Variants in SLIT3 observed in about 807,000 individuals in gnomAD.
SLIT3 encodes slit homolog 3 protein.
SLIT3 carries 68 observed loss-of-function variants against 184.0 expected under a neutral mutation model. The ratio of observed to expected loss-of-function variants is 0.37; its 90% confidence interval spans 0.30 to 0.45. The LOEUF (loss-of-function observed/expected upper bound fraction) is 0.45, where lower values mean the gene tolerates loss of function less well. Among genes scored for constraint, SLIT3 ranks in the 20% least tolerant of loss-of-function variants. The pLI is 1.00. For synonymous variants in SLIT3, 831 were observed against 828.6 expected (o/e 1.00, Z -0.05); for missense variants, 1,707 against 2,026.0 (o/e 0.84, Z 3.02).
chr5:169,110,443 C>G (rs1431838249), intron 4 of SLIT3, among the ~76,000 whole-genome samples: 1 of 152,062 alleles, frequency 6.6e-6, no homozygotes, highest in African/African-American at 2.4e-5. Flanking sequence ...GAGGGAGGGT[C>G]TGTTGCAGGC....
At chr5:168,776,292 C>T (rs1268595224) in intron 12 of SLIT3, among the ~76,000 whole-genome samples, 2 of 152,188 alleles carry the variant, frequency 1.3e-5, no homozygotes, top group Admixed American at 1.3e-4. Context: ...GTGGCAGTGA[C>T]AAGTGGAAGA....
At chr5:168,786,541 T>TCACAGTAATGGCAGCTTTTACTTTCTA (rs1756160337) in intron 11 of SLIT3, among the ~76,000 whole-genome samples, 1 of 152,214 alleles carries the variant, frequency 6.6e-6, no homozygotes, top group Non-Finnish European at 1.5e-5. Flanking sequence ...CTTTGCTGTC[T>TCACAGTAATGGCAGCTTTTACTTTCTA]CACAGTAATG....
rs188695166 is a variant in SLIT3 at position 169,094,418 on chromosome 5, C to A, written c.413+99061G>T. Among the ~76,000 whole-genome samples the A allele has an allele frequency of 7.8e-3, 1,186 of 152,332 alleles. 18 individuals carry two copies. The highest frequency in any genetic ancestry group is 0.027 in the African/African-American group (1,120 of 41,570). Reference sequence around the variant, plus strand: ...CCAAGGCGGGTGGATCACCTGAGGTCAGGAGTTTGAGACCAGCCTGGCCAA... The same window carrying A: ...CCAAGGCGGGTGGATCACCTGAGGTAAGGAGTTTGAGACCAGCCTGGCCAA... On this transcript the variant is annotated intron_variant, in intron 4 of 35. Coordinates refer to ENST00000519560, the MANE Select transcript of SLIT3 (RefSeq NM_003062.4).
intron 32 of SLIT3, among the ~76,000 whole-genome samples, chr5:168,674,743 C>A (rs959673132): frequency 6.6e-6 from 1 of 152,032 alleles, no homozygotes; most frequent in Non-Finnish European, 1.5e-5. Flanking sequence ...CCACTTGCCT[C>A]GGCCTCCCAA....
chr5:168,867,399 A>G (rs1409381030), intron 5 of SLIT3, among the ~76,000 whole-genome samples: 3 of 152,252 alleles, frequency 2.0e-5, no homozygotes, highest in African/African-American at 7.2e-5. Flanking sequence ...ATGTGCATGT[A>G]TTGAGGAAAC....
intron 27 of SLIT3, among the ~76,000 whole-genome samples, chr5:168,697,178 C>A (rs1471142974): frequency 6.6e-6 from 1 of 152,208 alleles, no homozygotes; most frequent in East Asian, 1.9e-4. Flanking sequence ...TACTTCTGAG[C>A]CCCTCCAGCT....
intron 4 of SLIT3, among the ~76,000 whole-genome samples, chr5:168,928,007 T>C (rs1005617736): frequency 6.6e-6 from 1 of 152,222 alleles, no homozygotes; most frequent in African/African-American, 2.4e-5. Context: ...CCTATCCCAC[T>C]GCATTCCCGT....
intron 4 of SLIT3, among the ~76,000 whole-genome samples, chr5:169,147,513 AC>A (rs1761966215): frequency 6.6e-6 from 1 of 151,884 alleles, no homozygotes. Flanking sequence ...CCCATCTGCA[AC>A]CCCCAAAGTG....
At chr5:168,727,553 C>T (rs1297972875) in intron 20 of SLIT3, among the ~76,000 whole-genome samples, 2 of 152,086 alleles carry the variant, frequency 1.3e-5, no homozygotes, top group Non-Finnish European at 1.5e-5. Flanking sequence ...GGGTAGATCA[C>T]GCTGAGGCCT....
chr5:169,001,577 T>A (rs1171647628), intron 4 of SLIT3, among the ~76,000 whole-genome samples: 2 of 152,126 alleles, frequency 1.3e-5, no homozygotes, highest in Non-Finnish European at 2.9e-5. Flanking sequence ...CCAATTTCAT[T>A]TTTCTGTCAG....
chr5:169,160,674 A>C (rs911515569), intron 4 of SLIT3, among the ~76,000 whole-genome samples: 1 of 152,238 alleles, frequency 6.6e-6, no homozygotes, highest in Non-Finnish European at 1.5e-5. Context: ...ATCAAGTGAT[A>C]CAACCCTATC....
At chr5:168,785,324 G>C (rs911219903) in intron 12 of SLIT3, among the ~76,000 whole-genome samples, 15 of 152,190 alleles carry the variant, frequency 9.9e-5, no homozygotes, top group African/African-American at 3.6e-4. Context: ...CAAATGACCA[G>C]AATGAAATAA....
chr5:168,956,355 C>T (rs897594718), intron 4 of SLIT3, among the ~76,000 whole-genome samples: 11 of 152,240 alleles, frequency 7.2e-5, no homozygotes, highest in Middle Eastern at 3.4e-3. Context: ...GAGAAAAGGA[C>T]AGCTTGGAGA....
chr5:169,126,778 A>G (rs1203747942), intron 4 of SLIT3, among the ~76,000 whole-genome samples: 1 of 152,220 alleles, frequency 6.6e-6, no homozygotes, highest in Non-Finnish European at 1.5e-5. Context: ...CAGAGCCCAG[A>G]GGTGACAGGA....
intron 4 of SLIT3, among the ~76,000 whole-genome samples, chr5:168,951,152 G>A (rs1200995779): frequency 1.3e-5 from 2 of 152,154 alleles, no homozygotes; most frequent in Non-Finnish European, 2.9e-5. Flanking sequence ...CCTGGGAGGT[G>A]GAGGTTGCAG....
At chr5:168,809,712 G>A (rs550292926) in intron 8 of SLIT3, among the ~76,000 whole-genome samples, 16 of 152,282 alleles carry the variant, frequency 1.1e-4, no homozygotes, top group African/African-American at 3.9e-4. Context: ...TCCATACAAA[G>A]CACGGACCCA....
chr5:168,700,705 C>T (rs374246259), intron 26 of SLIT3, 26 bp from the exon 27 acceptor site: 9 of 1,584,890 alleles, frequency 5.7e-6, no homozygotes, highest in Admixed American at 5.0e-5. Context: ...GGGAGAAGCA[C>T]CTGGTTAGGG....
intron 20 of SLIT3, among the ~76,000 whole-genome samples, chr5:168,743,276 G>A (rs567755798): frequency 9.3e-4 from 141 of 152,202 alleles, no homozygotes; most frequent in African/African-American, 3.2e-3. Context: ...TGGCAACCCC[G>A]CCACAAGCAA....
intron 4 of SLIT3, among the ~76,000 whole-genome samples, chr5:168,966,226 C>T (rs564206311): frequency 2.5e-4 from 38 of 152,232 alleles, no homozygotes; most frequent in Middle Eastern, 3.4e-3. Flanking sequence ...GGTGAGCTCT[C>T]GATCTTATCT....
Sources: allele counts gnomAD v4.1 joint callset (sites outside exome capture counted in the v4.1 genomes callset), GRCh38; gene constraint gnomAD v4.1.1; transcripts MANE v1.5; gene names NCBI Gene and HGNC (gene_info 2026-07-23, HGNC 2026-07-21).